CCSER1: variants seen among roughly 807,000 people sequenced by gnomAD.
The protein encoded by CCSER1 is coiled-coil serine rich protein 1.
In CCSER1, 41 loss-of-function variants were observed where a neutral mutation model predicts 82.0. The observed-to-expected ratio is 0.50, with a 90% CI of 0.39 to 0.65. CCSER1 has a LOEUF of 0.65. Among genes scored for constraint, CCSER1 ranks in the 30% least tolerant of loss-of-function variants. CCSER1 has a pLI of 0.00. For missense variants in CCSER1, 1,119 were observed against 1,064.2 expected, an observed-to-expected ratio of 1.05 and a Z score of -0.72; for synonymous variants, 414 against 383.9, an observed-to-expected ratio of 1.08 and a Z score of -0.92.
At chr4:90,357,831 C>G (rs1368128948) in intron 3 of CCSER1, among the ~76,000 whole-genome samples, 1 of 151,954 alleles carries the variant, frequency 6.6e-6, no homozygotes, top group Non-Finnish European at 1.5e-5. Flanking sequence ...TCTTTGCTAG[C>G]AAGAAGCAGT....
At chr4:90,872,806 G>A (rs1327601932) in intron 8 of CCSER1, among the ~76,000 whole-genome samples, 1 of 151,692 alleles carries the variant, frequency 6.6e-6, no homozygotes, top group African/African-American at 2.4e-5. Flanking sequence ...CGTGTCTAGT[G>A]TTGAAAAAAA....
chr4:90,848,974 CTG>C (rs1221948668), intron 8 of CCSER1, among the ~76,000 whole-genome samples: 1 of 152,250 alleles, frequency 6.6e-6, no homozygotes, highest in African/African-American at 2.4e-5. Context: ...CCATGCAGAA[CTG>C]TGAGTCAATT....
chr4:91,054,461 TC>T (rs1743267427), intron 9 of CCSER1, among the ~76,000 whole-genome samples: 1 of 152,168 alleles, frequency 6.6e-6, no homozygotes, highest in African/African-American at 2.4e-5. Context: ...ATATAAGCTG[TC>T]CTTCTTTGTC....
At chr4:90,692,867 C>A (rs1736268420) in intron 6 of CCSER1, among the ~76,000 whole-genome samples, 1 of 151,914 alleles carries the variant, frequency 6.6e-6, no homozygotes, top group Non-Finnish European at 1.5e-5. Flanking sequence ...ATTTATCATT[C>A]AGATATAATA....
intron 5 of CCSER1, among the ~76,000 whole-genome samples, chr4:90,544,323 T>C (rs1173095776): frequency 3.9e-5 from 6 of 152,252 alleles, no homozygotes; most frequent in African/African-American, 1.2e-4. Flanking sequence ...CCTGGATGAA[T>C]AGAACTCACT....
chr4:91,483,895 A>C (rs1758082772), intron 10 of CCSER1, among the ~76,000 whole-genome samples: 1 of 152,180 alleles, frequency 6.6e-6, no homozygotes, highest in Non-Finnish European at 1.5e-5. Context: ...GTTTTAAATG[A>C]ATAGAGTTGC....
chr4:90,315,233 T>G (rs1391134019), intron 3 of CCSER1, among the ~76,000 whole-genome samples: 2 of 152,172 alleles, frequency 1.3e-5, no homozygotes, highest in African/African-American at 2.4e-5. Context: ...TTTTCAAAAG[T>G]GTGCCTGTAG....
intron 7 of CCSER1, among the ~76,000 whole-genome samples, chr4:90,799,506 C>T (rs1258609740): frequency 6.6e-6 from 1 of 152,138 alleles, no homozygotes; most frequent in Non-Finnish European, 1.5e-5. Flanking sequence ...CTCTCTGCAG[C>T]TCAGGCACAA....
At chr4:90,673,717 G>A (rs1179106330) in intron 6 of CCSER1, among the ~76,000 whole-genome samples, 1 of 151,896 alleles carries the variant, frequency 6.6e-6, no homozygotes, top group African/African-American at 2.4e-5. Context: ...AACATCATAG[G>A]CAAATCTCTT....
At position 90,651,737 on chromosome 4, in the gene CCSER1, G is replaced by A. The variant is rs149221164; in HGVS notation, c.1932+23505G>A. Among the ~76,000 whole-genome samples, 125 of 152,036 alleles carry A rather than the reference G, an allele frequency of 8.2e-4. No individual in the cohort carries two copies. In the East Asian group the frequency reaches 0.023, roughly 28 times the overall value. ...AAATAACTTGGAAGACAGAGATAGC[G>A]TTCCCCCTCTAGGACAGAGAGCAAA... On this transcript the variant is annotated intron_variant, in intron 6 of 10. Coordinates refer to ENST00000509176, the MANE Select transcript of CCSER1 (RefSeq NM_001145065.2).
intron 1 of CCSER1, among the ~76,000 whole-genome samples, chr4:90,287,226 G>A (rs1433040814): frequency 2.0e-5 from 3 of 151,742 alleles, no homozygotes; most frequent in African/African-American, 7.3e-5. Context: ...ACAAAATAGG[G>A]TCAGCCAAAA....
intron 9 of CCSER1, among the ~76,000 whole-genome samples, chr4:90,935,763 G>T (rs1217948745): frequency 6.6e-6 from 1 of 152,108 alleles, no homozygotes; most frequent in African/African-American, 2.4e-5. Flanking sequence ...GCTATTAGAT[G>T]TAATGAAAAC....
At chr4:91,384,387 T>G (rs1751134920) in intron 10 of CCSER1, among the ~76,000 whole-genome samples, 2 of 143,974 alleles carry the variant, frequency 1.4e-5, no homozygotes, top group African/African-American at 2.6e-5. Flanking sequence ...TTTCCGTTAT[T>G]TTTTATTATT....
At chr4:91,399,065 C>T (rs546360603) in intron 10 of CCSER1, among the ~76,000 whole-genome samples, 1 of 151,912 alleles carries the variant, frequency 6.6e-6, no homozygotes, top group South Asian at 2.1e-4. Context: ...AATTAAACCA[C>T]TTAATTTTAA....
chr4:91,489,980 G>A (rs1758428756), intron 10 of CCSER1, among the ~76,000 whole-genome samples: 1 of 152,112 alleles, frequency 6.6e-6, no homozygotes, highest in Non-Finnish European at 1.5e-5. Flanking sequence ...CAGCAAACAA[G>A]TGTACAAAAA....
chr4:90,929,596 A>G (rs1008565050), intron 9 of CCSER1, among the ~76,000 whole-genome samples: 8 of 152,188 alleles, frequency 5.3e-5, no homozygotes, highest in Non-Finnish European at 7.4e-5. Flanking sequence ...TAGAATTAGT[A>G]TCAGTGAACC....
chr4:91,125,070 T>C (rs1210171577), intron 10 of CCSER1, among the ~76,000 whole-genome samples: 1 of 151,772 alleles, frequency 6.6e-6, no homozygotes, highest in African/African-American at 2.4e-5. Context: ...ATGATTTTAT[T>C]TCTTTTATAC....
At chr4:90,789,455 G>T (rs763008266) in intron 7 of CCSER1, among the ~76,000 whole-genome samples, 1 of 151,964 alleles carries the variant, frequency 6.6e-6, no homozygotes, top group Non-Finnish European at 1.5e-5. Context: ...TTTCTGATCA[G>T]ATATTTCTCT....
chr4:90,605,677 A>G (rs1047934813), intron 5 of CCSER1, among the ~76,000 whole-genome samples: 4 of 152,196 alleles, frequency 2.6e-5, no homozygotes, highest in Non-Finnish European at 4.4e-5. Flanking sequence ...TTGGTGATGT[A>G]CTAGTGACAG....
Sources: allele counts gnomAD v4.1 joint callset (sites outside exome capture counted in the v4.1 genomes callset), GRCh38; gene constraint gnomAD v4.1.1; transcripts MANE v1.5; gene names NCBI Gene and HGNC (gene_info 2026-07-23, HGNC 2026-07-21).